SLC2A7: variants seen among roughly 807,000 people sequenced by gnomAD.
The protein encoded by SLC2A7 is solute carrier family 2 member 7, also known as solute carrier family 2, facilitated glucose transporter member 7.
Under a neutral mutation model 50.5 loss-of-function variants are expected in SLC2A7, and 50 were observed. The ratio of observed to expected loss-of-function variants is 0.99; its 90% CI spans 0.79 to 1.25. The LOEUF is 1.25. Ranked by LOEUF, SLC2A7 falls within the 50% of genes most tolerant of loss-of-function variation. SLC2A7 has a pLI of 0.00. For missense variants in SLC2A7, 683 were observed against 679.1 expected (o/e 1.01, Z -0.06); for synonymous variants, 308 against 300.4 (o/e 1.03, Z -0.26).
At position 9,003,154 on chromosome 1, in the gene SLC2A7, G is replaced by A. The variant is rs1304152698; in HGVS notation, c.*146C>T. 3 of 678,574 alleles carry A rather than the reference G, an allele frequency of 4.4e-6. No homozygotes were observed. The highest frequency in any genetic ancestry group is 5.0e-6 in the Non-Finnish European group (2 of 403,020). 42.0% of individuals were successfully genotyped at this position (678,574 alleles called of 1,614,324 possible). The stretch of plus-strand genomic sequence containing the variant: ...TCTCAGCTAAATATGCATTGTTGTG[G>A]GTATTTAATAATATCCATAATTAAG... On this transcript the variant is annotated 3_prime_UTR_variant, in exon 12 of 12. Transcript: ENST00000400906.
intron 10 of SLC2A7, among the ~76,000 whole-genome samples, chr1:9,005,561 T>C (rs1640642137): frequency 6.6e-6 from 1 of 151,914 alleles, no homozygotes; most frequent in Admixed American, 6.6e-5. Context: ...AATGGCCTCA[T>C]TGAAAAGGTC....
chr1:9,004,977 C>T, intron 10 of SLC2A7, 98 bp from the exon 11 acceptor site: 2 of 1,365,878 alleles, frequency 1.5e-6, no homozygotes, highest in Non-Finnish European at 2.0e-6. Flanking sequence ...CTAGGACCCT[C>T]AAGAGTACCA....
downstream of SLC2A7, among the ~76,000 whole-genome samples, chr1:9,001,511 C>T (rs144471869): frequency 3.7e-3 from 563 of 150,622 alleles, 6 homozygotes; most frequent in African/African-American, 0.013. Context: ...CTCTGCCTCT[C>T]GGGCTCAAGC....
At chr1:9,022,171 C>G (rs1244023727) in intron 3 of SLC2A7, among the ~76,000 whole-genome samples, 6 of 152,182 alleles carry the variant, frequency 3.9e-5, no homozygotes, top group Non-Finnish European at 8.8e-5. Context: ...TGACTTTTCA[C>G]TAGAGGGCCT....
rs766103905 is a variant in SLC2A7, at chr1:9,023,092, C to T, written c.151-14G>A. ...TGACTTGAAGACCTGGAAAACATTG[C>T]CCCATCCACAGCTAAGAATATTGGG... is the stretch of plus-strand genomic sequence containing the variant. On this transcript the variant is annotated splice_polypyrimidine_tract_variant and intron_variant, in intron 2 of 11. Transcript: ENST00000400906. The T allele has an allele frequency of 6.2e-7, 1 of 1,610,166 alleles. No individual in the cohort carries two copies.
At chr1:8,993,423 C>T in the SLC2A7 span, among the ~76,000 whole-genome samples, 2 of 152,166 alleles carry the variant, frequency 1.3e-5, no homozygotes, top group South Asian at 4.1e-4. Context: ...TTTGAATCCA[C>T]ATGGCTGCAA....
At chr1:9,000,779 T>TGTGTGTGTGG (rs1475615540), downstream of SLC2A7, among the ~76,000 whole-genome samples, 1 of 151,340 alleles carries the variant, frequency 6.6e-6, no homozygotes, top group Admixed American at 6.6e-5. Flanking sequence ...TGTGTGTGTG[T>TGTGTGTGTGG]GTGTGACTCT....
chr1:9,000,771 T>C (rs1259863914), downstream of SLC2A7, among the ~76,000 whole-genome samples: 1 of 151,536 alleles, frequency 6.6e-6, no homozygotes, highest in Non-Finnish European at 1.5e-5. Flanking sequence ...TGTGTGTGTG[T>C]GTGTGTGTGT....
At chr1:9,009,656 CCATGTTGTT>C (rs1213068614) in intron 9 of SLC2A7, among the ~76,000 whole-genome samples, 1 of 152,150 alleles carries the variant, frequency 6.6e-6, no homozygotes, top group African/African-American at 2.4e-5. Flanking sequence ...TGGGGTCTCA[CCATGTTGTT>C]CAGACTGGTC....
the SLC2A7 span, among the ~76,000 whole-genome samples, chr1:8,995,641 A>C: frequency 2.7e-4 from 41 of 152,254 alleles, no homozygotes; most frequent in African/African-American, 8.9e-4. Flanking sequence ...GCTACTCGGG[A>C]GGCTGAGGCA....
rs907121265 is a variant in SLC2A7, at chr1:9,025,600, G to A, written c.52-526C>T. Among the ~76,000 whole-genome samples the A allele has an allele frequency of 2.0e-5, 3 of 152,276 alleles. No homozygotes were observed. In the East Asian group the frequency reaches 5.8e-4, roughly 29 times the overall value. On this transcript the variant is annotated intron_variant, in intron 1 of 11. Coordinates refer to ENST00000400906, the MANE Select transcript of SLC2A7 (RefSeq NM_207420.3). ...AGCCGGGACCAGAATGGATGAGAGG[G>A]AGCAGCTGTGTAAGCATCGGGGGGA...
chr1:9,024,911 C>A, intron 2 of SLC2A7, 65 bp downstream of exon 2: 1 of 1,566,876 alleles, frequency 6.4e-7, no homozygotes, highest in African/African-American at 1.4e-5. Context: ...AAGATGGCGG[C>A]TACCTTCCAC....
chr1:9,023,267 T>C (rs1352386884), intron 2 of SLC2A7, among the ~76,000 whole-genome samples, 189 bp from the exon 3 acceptor site: 4 of 152,180 alleles, frequency 2.6e-5, no homozygotes, highest in Non-Finnish European at 4.4e-5. Context: ...TGGGTTGAAA[T>C]GAGAAACTAG....
chr1:9,014,910 GC>G, intron 6 of SLC2A7, 42 bp from the exon 7 acceptor site: 1 of 1,537,702 alleles, frequency 6.5e-7, no homozygotes, highest in Non-Finnish European at 8.8e-7. Flanking sequence ...CCGTCTCCCT[GC>G]AGGCTGGGCC....
At chr1:9,024,832 A>C (rs1640970333) in intron 2 of SLC2A7, 144 bp downstream of exon 2, 5 of 829,596 alleles carry the variant, frequency 6.0e-6, no homozygotes, top group Middle Eastern at 2.4e-4. Context: ...CCAGGGTACT[A>C]GGGCAAGCTG....
intron 5 of SLC2A7, among the ~76,000 whole-genome samples, 181 bp downstream of exon 5, chr1:9,018,042 T>C (rs1008326120): frequency 3.3e-5 from 5 of 152,068 alleles, no homozygotes; most frequent in Non-Finnish European, 5.9e-5. Flanking sequence ...CTAAGCACGA[T>C]TTGTCGCCAT....
chr1:9,007,516 G>C, intron 9 of SLC2A7, 131 bp from the exon 10 acceptor site: 1 of 789,852 alleles, frequency 1.3e-6, no homozygotes, highest in Non-Finnish European at 2.0e-6. Flanking sequence ...CATGGACCTT[G>C]AGGGCTCTGT....
Position 9,019,328 on chromosome 1 carries a change from C to A in SLC2A7, c.317G>T (p.Gly106Val). 1 of 1,613,954 alleles carries A rather than the reference C, an allele frequency of 6.2e-7. No homozygotes were observed. The highest frequency in any genetic ancestry group is 1.1e-5 in the South Asian group (1 of 91,072). ...GLLVDSCGRKGTLLINNIFAI... is the reference protein window; with the variant it reads ...GLLVDSCGRKVTLLINNIFAI... The stretch of plus-strand genomic sequence containing the variant: ...AAAGATGTTGTTGATCAGCAGGGTC[C>A]CCTTTCTGCAAAGACAGTGAGCCCA... Residue 106 changes from glycine (G) to valine (V), a missense_variant, in exon 4 of 12, where the codon GGG (glycine) becomes GTG (valine). Gly to Val is a moderately radical substitution (Grantham distance 109, BLOSUM62 -3). Transcript: ENST00000400906.
chr1:8,995,213 C>T, the SLC2A7 span, among the ~76,000 whole-genome samples: 1 of 151,548 alleles, frequency 6.6e-6, no homozygotes, highest in Non-Finnish European at 1.5e-5. Context: ...CTTTGGGAGG[C>T]CGTCGCGGGT....
Sources: allele counts gnomAD v4.1 joint callset (sites outside exome capture counted in the v4.1 genomes callset), GRCh38; gene constraint gnomAD v4.1.1; transcripts MANE v1.5; gene names NCBI Gene and HGNC (gene_info 2026-07-23, HGNC 2026-07-21).